The following HECTD4 variants were observed in gnomAD, a reference collection of about 807,000 sequenced individuals.
HECTD4 encodes the protein HECT domain E3 ubiquitin protein ligase 4, also known as probable E3 ubiquitin-protein ligase HECTD4.
HECTD4 carries 114 observed loss-of-function variants against 471.5 expected under a neutral mutation model. The ratio of observed to expected loss-of-function variants is 0.24; its 90% CI spans 0.21 to 0.28. HECTD4 has a LOEUF of 0.28. Ranked by LOEUF, HECTD4 falls within the 10% of genes least tolerant of loss-of-function variation. The pLI, the probability that HECTD4 is intolerant of heterozygous loss-of-function variation, is 1.00. For synonymous variants in HECTD4, 2,012 were observed against 2,256.0 expected (o/e 0.89, Z 3.07); for missense variants, 3,866 against 5,651.5 (o/e 0.68, Z 10.13).
At chr12:112,303,448 T>C (rs988540578) in intron 7 of HECTD4, among the ~76,000 whole-genome samples, 2 of 152,198 alleles carry the variant, frequency 1.3e-5, no homozygotes, top group African/African-American at 2.4e-5. Flanking sequence ...GGATAAGAGA[T>C]ACTGCCTAGA....
At position 112,311,607 on chromosome 12, in the gene HECTD4, G is replaced by A. The variant is rs374308424; in HGVS notation, c.916+1410C>T. ...TGCACTCCAACTTGGGCAACAGAGCGAGACCCCATCTCAAAAAAAAAAAAA... is the reference window on the plus strand; with the variant it reads ...TGCACTCCAACTTGGGCAACAGAGCAAGACCCCATCTCAAAAAAAAAAAAA... On this transcript the variant is annotated intron_variant, in intron 4 of 75. Coordinates refer to ENST00000682272, the MANE Select transcript of HECTD4 (RefSeq NM_001388303.1). Among the ~76,000 whole-genome samples, 23 of 137,072 alleles carry A rather than the reference G, an allele frequency of 1.7e-4. No individual in the cohort carries two copies. In the East Asian group the frequency reaches 3.4e-3, roughly 20 times the overall value. The allele number at this position is 137,072 out of a possible 152,430, so 89.9% of individuals were successfully genotyped here.
intron 11 of HECTD4, among the ~76,000 whole-genome samples, chr12:112,270,954 A>G (rs1472761797): frequency 6.6e-6 from 1 of 152,162 alleles, no homozygotes; most frequent in Non-Finnish European, 1.5e-5. Flanking sequence ...TCATGTTTTG[A>G]CATGTTAAGC....
At chr12:112,234,087 T>C (rs2033447215) in intron 37 of HECTD4, among the ~76,000 whole-genome samples, 2 of 152,228 alleles carry the variant, frequency 1.3e-5, no homozygotes, top group Non-Finnish European at 2.9e-5. Context: ...GTTATTTTCT[T>C]AGCAACCTTT....
intron 2 of HECTD4, among the ~76,000 whole-genome samples, chr12:112,317,825 A>C (rs971866420): frequency 2.5e-4 from 38 of 152,134 alleles, no homozygotes; most frequent in African/African-American, 9.2e-4. Flanking sequence ...CCAAAGATAC[A>C]AAAAATTAGC....
At position 112,228,952 on chromosome 12, in the gene HECTD4, C is replaced by T. The variant is rs2033308589; in HGVS notation, c.6520-141G>A. ...TTTATACTACTAGGGTAGCAGATACCAAGCCCTAGACATGACTTATAATAG... is the reference window on the plus strand; with the variant it reads ...TTTATACTACTAGGGTAGCAGATACTAAGCCCTAGACATGACTTATAATAG... On this transcript the variant is annotated intron_variant, in intron 41 of 75. Coordinates refer to ENST00000682272, the MANE Select transcript of HECTD4 (RefSeq NM_001388303.1). This position sits in a 1 kb window ranked among gnomAD's most constrained non-coding sequence, Gnocchi z 4.9. 1.3e-6 allele frequency: 1 copy of T among 792,400 alleles called. No homozygotes were observed. Among genetic ancestry groups the T allele is most frequent in the Non-Finnish European group, 2.1e-6 (1 of 484,276 alleles). The allele number at this position is 792,400 out of a possible 1,614,324, so 49.1% of individuals were successfully genotyped here.
At chr12:112,372,047 C>T (rs6489841) in intron 1 of HECTD4, among the ~76,000 whole-genome samples, 34,629 of 151,524 alleles carry the variant, frequency 0.23, 6,450 homozygotes, top group East Asian at 0.85. Flanking sequence ...ATAAAATAAC[C>T]TCCAAGCAAC....
intron 10 of HECTD4, 132 bp downstream of exon 10, chr12:112,274,715 A>G (rs1313115685): frequency 4.7e-6 from 3 of 638,758 alleles, no homozygotes; most frequent in African/African-American, 1.8e-5. Context: ...CAAACAAAAC[A>G]AAACAAAACA....
intron 1 of HECTD4, among the ~76,000 whole-genome samples, chr12:112,344,994 T>C (rs2036122244): frequency 6.7e-6 from 1 of 150,014 alleles, no homozygotes; most frequent in Non-Finnish European, 1.5e-5. Flanking sequence ...CAGAGGTGCA[T>C]GCCTGTCCCA....
At chr12:112,345,388 C>T (rs1210851327) in intron 1 of HECTD4, among the ~76,000 whole-genome samples, 1 of 151,792 alleles carries the variant, frequency 6.6e-6, no homozygotes, top group Non-Finnish European at 1.5e-5. Flanking sequence ...CAAAAACAAA[C>T]AAAACCAACC....
Position 112,184,071 on chromosome 12 carries a change from G to A in HECTD4, c.10779+116C>T. On this transcript the variant is annotated intron_variant, in intron 61 of 75. Coordinates refer to ENST00000682272, the MANE Select transcript of HECTD4 (RefSeq NM_001388303.1). This position sits in a 1 kb window ranked among gnomAD's most constrained non-coding sequence, Gnocchi z 9.1. ...TGCTCATTCCAAGGGCTGCCCCAGG[G>A]AGCCCCCAACCGCTCCACCATTACC... The A allele has an allele frequency of 1.0e-6, 1 of 1,004,796 alleles. No individual in the cohort carries two copies. Among genetic ancestry groups the A allele is most frequent in the Non-Finnish European group, 1.5e-6 (1 of 675,124 alleles). The allele number at this position is 1,004,796 out of a possible 1,614,324, so 62.2% of individuals were successfully genotyped here.
chr12:112,372,268 T>G (rs1004719567), intron 1 of HECTD4, among the ~76,000 whole-genome samples: 1 of 151,652 alleles, frequency 6.6e-6, no homozygotes, highest in African/African-American at 2.4e-5. Context: ...CTAATTTTTT[T>G]TATTTTTTTA....
At chr12:112,177,894 A>G (rs780623551) in intron 64 of HECTD4, among the ~76,000 whole-genome samples, 1 of 152,350 alleles carries the variant, frequency 6.6e-6, no homozygotes, top group Middle Eastern at 3.4e-3. Context: ...GGGAGCTTCA[A>G]GGCTTAAGAA....
chr12:112,168,385 C>A (rs928011742), intron 70 of HECTD4, among the ~76,000 whole-genome samples: 4 of 152,202 alleles, frequency 2.6e-5, no homozygotes, highest in Non-Finnish European at 5.9e-5. Context: ...CCGATGAATG[C>A]GTGAGTGAAT....
chr12:112,178,581 G>C (rs2031547026), intron 64 of HECTD4, among the ~76,000 whole-genome samples: 1 of 152,204 alleles, frequency 6.6e-6, no homozygotes, highest in African/African-American at 2.4e-5. Flanking sequence ...TGTAACCTCG[G>C]CACTGTGGGA....
Position 112,170,352 on chromosome 12 carries a change from G to A in HECTD4, c.12033C>T (p.Asp4011=), listed in dbSNP as rs757454881. 1.2e-6 allele frequency: 2 copies of A among 1,613,942 alleles called. No homozygotes were observed. The highest frequency in any genetic ancestry group is 1.7e-6 in the Non-Finnish European group (2 of 1,179,884). The part of the protein sequence containing the change: ...ADHAAPEITL[D]PLEIVGGEIR... ...CCCCACCTCCCACAATTTCCAGTGG[G>A]TCCAAGGTGATCTCAGGGGCCGCGT... Residue 4011 remains aspartate, a synonymous_variant, in exon 69 of 76, where the codon GAC becomes GAT. Transcript: ENST00000682272.
intron 64 of HECTD4, 49 bp from the exon 65 acceptor site, chr12:112,176,751 C>T (rs773413113): frequency 7.6e-7 from 1 of 1,309,416 alleles, no homozygotes; most frequent in Admixed American, 1.7e-5. Flanking sequence ...CACACCTCCT[C>T]CCGATAGGAA....
intron 8 of HECTD4, among the ~76,000 whole-genome samples, chr12:112,279,674 A>C (rs547828072): frequency 1.3e-5 from 2 of 152,360 alleles, no homozygotes; most frequent in Admixed American, 6.5e-5. Flanking sequence ...ATTCCAAAAA[A>C]ATAAATCCTC....
At chr12:112,349,670 C>T (rs2036219174) in intron 1 of HECTD4, among the ~76,000 whole-genome samples, 2 of 151,862 alleles carry the variant, frequency 1.3e-5, no homozygotes, top group South Asian at 2.1e-4. Context: ...AATGCAACTA[C>T]GGCAGTACAA....
intron 20 of HECTD4, chr12:112,256,752 C>T (rs559620393): frequency 2.4e-4 from 77 of 321,144 alleles, no homozygotes; most frequent in Non-Finnish European, 3.8e-4. Context: ...TTGCCTTTTT[C>T]CAGGACAAGA....
Sources: gnomAD v4.1 joint callset for allele counts (sites outside exome capture counted in the v4.1 genomes callset) on GRCh38, gnomAD v4.1.1 for gene constraint, Gnocchi (gnomAD v3.1) non-coding constraint, MANE v1.5 for transcripts, NCBI Gene and HGNC (gene_info 2026-07-23, HGNC 2026-07-21) for gene names.